The following IFT80 variants were observed in gnomAD, a reference collection of about 807,000 sequenced individuals.
IFT80 encodes intraflagellar transport protein 80 homolog.
Under a neutral mutation model 107.9 loss-of-function variants are expected in IFT80, and 79 were observed. That is an observed-to-expected ratio of 0.73 (90% confidence interval 0.61 to 0.88). The LOEUF (loss-of-function observed/expected upper bound fraction) is 0.88, where lower values mean the gene tolerates loss of function less well. Ranked by LOEUF, IFT80 falls within the 40% of genes least tolerant of loss-of-function variation. The pLI, the probability that IFT80 is intolerant of heterozygous loss-of-function variation, is 0.00. For missense variants in IFT80, 797 were observed against 914.2 expected, an observed-to-expected ratio of 0.87 and a Z score of 1.65; for synonymous variants, 299 against 300.9, an observed-to-expected ratio of 0.99 and a Z score of 0.07.
chr3:160,299,798 T>G (rs1250798093), intron 12 of IFT80, among the ~76,000 whole-genome samples: 1 of 152,166 alleles, frequency 6.6e-6, no homozygotes, highest in Non-Finnish European at 1.5e-5. Context: ...GATTTAAACA[T>G]ACCAGGACCA....
chr3:160,346,529 TG>T (rs1391276514), intron 8 of IFT80, among the ~76,000 whole-genome samples: 1 of 152,222 alleles, frequency 6.6e-6, no homozygotes, highest in Non-Finnish European at 1.5e-5. Context: ...TGTAATTTTT[TG>T]TTGAAAATTG....
chr3:160,343,974 G>A (rs1053460913), intron 8 of IFT80, among the ~76,000 whole-genome samples: 8 of 152,010 alleles, frequency 5.3e-5, no homozygotes, highest in Non-Finnish European at 1.0e-4. Flanking sequence ...ATACTTCCTT[G>A]AAGTAATAGC....
intron 19 of IFT80, among the ~76,000 whole-genome samples, chr3:160,259,659 C>T (rs957454531): frequency 7.9e-5 from 12 of 152,204 alleles, no homozygotes; most frequent in African/African-American, 1.2e-4. Context: ...TCTCCCCTCC[C>T]CTAGCCCAGC....
At chr3:160,292,475 C>CTTTTT (rs142116230) in intron 12 of IFT80, among the ~76,000 whole-genome samples, 3 of 115,362 alleles carry the variant, frequency 2.6e-5, no homozygotes, top group Non-Finnish European at 5.2e-5. Context: ...AGAGAGATTC[C>CTTTTT]TTTTTTTTTT....
intron 8 of IFT80, among the ~76,000 whole-genome samples, chr3:160,335,316 T>C (rs1177016306): frequency 6.6e-6 from 1 of 151,722 alleles, no homozygotes; most frequent in African/African-American, 2.4e-5. Flanking sequence ...CTGCAACCTT[T>C]GCCTCCCAGG....
intron 3 of IFT80, 140 bp from the exon 4 acceptor site, chr3:160,377,680 T>C: frequency 2.0e-6 from 1 of 499,412 alleles, no homozygotes; most frequent in East Asian, 3.3e-5. Flanking sequence ...TATAAATCTA[T>C]TGGAAAATAG....
At chr3:160,306,333 C>A (rs780189353) in intron 10 of IFT80, among the ~76,000 whole-genome samples, 12 of 152,146 alleles carry the variant, frequency 7.9e-5, no homozygotes, top group Non-Finnish European at 1.6e-4. Context: ...GCCACTATAA[C>A]TAGTAGAATA....
chr3:160,388,920 T>C (rs897032607), intron 1 of IFT80, among the ~76,000 whole-genome samples: 2 of 152,180 alleles, frequency 1.3e-5, no homozygotes, highest in Non-Finnish European at 2.9e-5. Context: ...TTCTAGAGGC[T>C]GGAAAGGGCC....
At chr3:160,394,959 C>T (rs1441937152) in intron 1 of IFT80, among the ~76,000 whole-genome samples, 1 of 151,854 alleles carries the variant, frequency 6.6e-6, no homozygotes, top group African/African-American at 2.4e-5. Context: ...TAATGGAGAC[C>T]CCTAAAAGGG....
At chr3:160,271,533 T>C (rs917836228) in intron 18 of IFT80, among the ~76,000 whole-genome samples, 2 of 152,146 alleles carry the variant, frequency 1.3e-5, no homozygotes, top group African/African-American at 4.8e-5. Flanking sequence ...TACTACCAAA[T>C]GTCCAAAGTG....
rs115176107 is a variant in IFT80 at position 160,310,041 on chromosome 3, C to T, written c.958-2260G>A. On this transcript the variant is annotated intron_variant, in intron 9 of 19. Transcript: ENST00000326448. ...TTCCCAGTGTAGACTCAAGTAAAAACGAAAAAAAAATTTTATCTAGAAGTA... is the reference window on the plus strand; with the variant it reads ...TTCCCAGTGTAGACTCAAGTAAAAATGAAAAAAAAATTTTATCTAGAAGTA... Among the ~76,000 whole-genome samples the T allele has an allele frequency of 7.8e-3, 1,182 of 151,492 alleles. 22 individuals are homozygous for T. The highest frequency in any genetic ancestry group is 0.027 in the African/African-American group (1,132 of 41,292).
At chr3:160,354,514 G>A (rs540593213) in intron 8 of IFT80, among the ~76,000 whole-genome samples, 9 of 152,210 alleles carry the variant, frequency 5.9e-5, no homozygotes, top group South Asian at 2.1e-4. Flanking sequence ...CTAGCCGGGC[G>A]TGGTGACGAG....
intron 8 of IFT80, among the ~76,000 whole-genome samples, chr3:160,340,706 G>A (rs1576834710): frequency 6.6e-6 from 1 of 152,148 alleles, no homozygotes; most frequent in East Asian, 1.9e-4. Context: ...CCCCAGCTAG[G>A]AAAAGTTCTC....
intron 8 of IFT80, among the ~76,000 whole-genome samples, chr3:160,322,012 T>A (rs576572930): frequency 1.8e-4 from 17 of 95,304 alleles, no homozygotes; most frequent in African/African-American, 4.6e-4. Flanking sequence ...TGTTATTTAT[T>A]TATTTATTTA....
chr3:160,300,832 A>T, intron 12 of IFT80, 51 bp downstream of exon 12: 1 of 1,396,210 alleles, frequency 7.2e-7, no homozygotes, highest in African/African-American at 1.4e-5. Flanking sequence ...AAAATTTTAT[A>T]GTGTTAACAA....
intron 12 of IFT80, among the ~76,000 whole-genome samples, chr3:160,295,866 C>T (rs1341577791): frequency 1.3e-5 from 2 of 152,100 alleles, no homozygotes; most frequent in Non-Finnish European, 2.9e-5. Context: ...ATGAACCTGA[C>T]GGACATTATG....
rs984082001 is a variant in IFT80 at position 160,258,021 on chromosome 3, T to C, written c.*504A>G. 6 of 172,648 alleles carry C rather than the reference T, an allele frequency of 3.5e-5. No homozygotes were observed. The East Asian group carries it at 9.6e-4, about 28-fold the overall frequency. 10.7% of individuals were successfully genotyped at this position (172,648 alleles called of 1,614,324 possible). On this transcript the variant is annotated 3_prime_UTR_variant, in exon 20 of 20. Transcript: ENST00000326448. ...ATGATAGACACTTGAGCTGTTTCCA[T>C]CTTTTGCTATTCCAGTAATGCTGCT...
chr3:160,271,820 C>T (rs967298903), intron 18 of IFT80, among the ~76,000 whole-genome samples: 3 of 151,830 alleles, frequency 2.0e-5, no homozygotes, highest in African/African-American at 7.3e-5. Flanking sequence ...ATTTTGTAAG[C>T]TCAAATTAAT....
At position 160,300,958 on chromosome 3, in the gene IFT80, T is replaced by C; in HGVS notation, c.1240A>G (p.Thr414Ala). The change falls in exon 12 of 20, where the codon ACA becomes GCA. Residue 414 changes from threonine to alanine, a missense_variant. Transcript: ENST00000326448. ...ACAGTCTGTGCATTCAGAATATCTGTTCTCATTCCAGGAAATTTTGGAGAT... is the reference window on the plus strand; with the variant it reads ...ACAGTCTGTGCATTCAGAATATCTGCTCTCATTCCAGGAAATTTTGGAGAT... ...ISSPKFPGMRTDILNAQTVSL... is the reference protein window; with the variant it reads ...ISSPKFPGMRADILNAQTVSL... 2 of 1,611,472 alleles carry C rather than the reference T, an allele frequency of 1.2e-6. No individual in the cohort carries two copies. The highest frequency in any genetic ancestry group is 1.7e-6 in the Non-Finnish European group (2 of 1,178,536).
Sources: gnomAD v4.1 joint callset for allele counts (sites outside exome capture counted in the v4.1 genomes callset) on GRCh38, gnomAD v4.1.1 for gene constraint, MANE v1.5 for transcripts, NCBI Gene and HGNC (gene_info 2026-07-23, HGNC 2026-07-21) for gene names.